CAT: variants seen among roughly 807,000 people sequenced by gnomAD.
CAT encodes the protein epididymis secretory sperm binding protein.
CAT carries 43 observed loss-of-function variants against 59.0 expected under a neutral mutation model. That is an observed-to-expected ratio of 0.73 (90% confidence interval 0.57 to 0.94). CAT has a LOEUF of 0.94. Ranked by LOEUF, CAT falls within the 40% of genes least tolerant of loss-of-function variation. CAT has a pLI of 0.00. For synonymous variants in CAT, 218 were observed against 230.9 expected, an observed-to-expected ratio of 0.94 and a Z score of 0.51; for missense variants, 664 against 682.9, an observed-to-expected ratio of 0.97 and a Z score of 0.31.
At chr11:34,468,128 A>C (rs1382560327) in intron 10 of CAT, among the ~76,000 whole-genome samples, 160 bp from the exon 11 acceptor site, 1 of 152,212 alleles carries the variant, frequency 6.6e-6, no homozygotes, top group Non-Finnish European at 1.5e-5. Context: ...ATTTTGCTTA[A>C]AACAAAAAGT....
At chr11:34,470,528 C>T (rs1281047492) in intron 11 of CAT, among the ~76,000 whole-genome samples, 6 of 152,164 alleles carry the variant, frequency 3.9e-5, no homozygotes, top group East Asian at 3.9e-4. Flanking sequence ...ACCTTCTGAT[C>T]GCGTGCTTGT....
intron 11 of CAT, among the ~76,000 whole-genome samples, chr11:34,469,957 C>T (rs1299617517): frequency 6.6e-5 from 10 of 152,160 alleles, no homozygotes; most frequent in South Asian, 4.1e-4. Flanking sequence ...TGAGCCACTG[C>T]GCCTGGCCTA....
At chr11:34,445,917 C>T (rs1053787909) in intron 1 of CAT, among the ~76,000 whole-genome samples, 3 of 152,160 alleles carry the variant, frequency 2.0e-5, no homozygotes, top group South Asian at 2.1e-4. Flanking sequence ...TTTGTAGTAT[C>T]GCCCATTAAA....
chr11:34,442,350 C>T (rs1425852815), intron 1 of CAT, among the ~76,000 whole-genome samples: 1 of 152,114 alleles, frequency 6.6e-6, no homozygotes, highest in East Asian at 1.9e-4. Context: ...CACCTATAAT[C>T]CAGCACTTTG....
intron 1 of CAT, among the ~76,000 whole-genome samples, chr11:34,447,694 C>T (rs1190454405): frequency 5.9e-5 from 9 of 152,174 alleles, no homozygotes; most frequent in Non-Finnish European, 1.2e-4. Flanking sequence ...ATGCTTTGCT[C>T]CTTCTGCTGC....
chr11:34,470,776 CAG>C, intron 11 of CAT, 180 bp from the exon 12 acceptor site: 2 of 693,898 alleles, frequency 2.9e-6, no homozygotes, highest in South Asian at 3.0e-5. Context: ...CAGTATATGT[CAG>C]AGTGTTCACT....
At position 34,449,373 on chromosome 11, in the gene CAT, G is replaced by A. The variant is rs777082279; in HGVS notation, c.238+10G>A. On this transcript the variant is annotated intron_variant, in intron 2 of 12. Coordinates refer to ENST00000241052, the MANE Select transcript of CAT (RefSeq NM_001752.4). The stretch of plus-strand genomic sequence containing the variant: ...CATGCTAAAGGAGCAGGTAAGTGCT[G>A]TGTTTATTTGCTGTAAAAAGATTGT... 8 of 1,612,412 alleles carry A rather than the reference G, an allele frequency of 5.0e-6. No individual in the cohort carries two copies. In the South Asian group the frequency reaches 7.7e-5, roughly 16 times the overall value.
At position 34,438,969 on chromosome 11, in the gene CAT, C is replaced by T. The variant is rs765549657; in HGVS notation, c.-45C>T. 8.5e-6 allele frequency: 13 copies of T among 1,528,480 alleles called. No homozygotes were observed. The highest frequency in any genetic ancestry group is 1.1e-5 in the Non-Finnish European group (12 of 1,124,854). 94.7% of individuals were successfully genotyped at this position (1,528,480 alleles called of 1,614,324 possible). A position where few individuals can be genotyped will look rare whatever the true frequency, so the allele number is the denominator to read the frequency against. On this transcript the variant is annotated 5_prime_UTR_variant, in exon 1 of 13. In the 5' UTR this introduces an upstream ATG that the reference lacks. Transcript: ENST00000241052. ...TTTGCCTGCTGAGGGTGGAGACCCA[C>T]GAGCCGAGGCCTCCTGCAGTGTTCT...
In CAT at chr11:34,468,400, G is replaced by C; in HGVS notation, c.1434+5G>C. The C allele has an allele frequency of 6.2e-7, 1 of 1,604,028 alleles. No homozygotes were observed. The highest frequency in any genetic ancestry group is 8.5e-7 in the Non-Finnish European group (1 of 1,170,822). ...ATTTTCATCCAGAAGAAAGCGGTGA[G>C]TCTTTGTAAGCTGAAGGGTGTCCTC... On this transcript the variant is annotated splice_donor_5th_base_variant and intron_variant, in intron 11 of 12. Transcript: ENST00000241052.
chr11:34,445,991 G>A (rs524167), intron 1 of CAT, among the ~76,000 whole-genome samples: 107,287 of 152,030 alleles, frequency 0.71, 39,732 homozygotes, highest in East Asian at 0.96. Context: ...TGCGTGGTCC[G>A]TTTTCTAGCC....
intron 6 of CAT, 53 bp downstream of exon 6, chr11:34,453,979 T>C (rs976550888): frequency 6.3e-7 from 1 of 1,585,712 alleles, no homozygotes; most frequent in Non-Finnish European, 8.6e-7. Flanking sequence ...CATACCTCCT[T>C]ATTTTTCCTG....
chr11:34,441,505 G>A (rs1856389393), intron 1 of CAT, among the ~76,000 whole-genome samples: 5 of 152,150 alleles, frequency 3.3e-5, no homozygotes, highest in Admixed American at 3.3e-4. Flanking sequence ...TGTAAGTAAA[G>A]CTGCTGTGGC....
chr11:34,452,515 T>A (rs189511485), intron 4 of CAT, among the ~76,000 whole-genome samples: 2 of 152,198 alleles, frequency 1.3e-5, no homozygotes, highest in Admixed American at 1.3e-4. Context: ...TGTCTCTACA[T>A]GCTCTGAGTC....
chr11:34,445,492 T>C (rs1856439651), intron 1 of CAT, among the ~76,000 whole-genome samples: 1 of 23,858 alleles, frequency 4.2e-5, no homozygotes, highest in South Asian at 1.9e-3. Flanking sequence ...CGAGACTCCA[T>C]CTCAAAAAAA....
intron 10 of CAT, 68 bp downstream of exon 10, chr11:34,464,303 C>G (rs1473491423): frequency 6.9e-7 from 1 of 1,450,928 alleles, no homozygotes; most frequent in African/African-American, 1.4e-5. Context: ...CTGCATAATC[C>G]CCCTCCCTGC....
At chr11:34,442,323 C>T (rs1856400363) in intron 1 of CAT, among the ~76,000 whole-genome samples, 1 of 152,094 alleles carries the variant, frequency 6.6e-6, no homozygotes, top group African/African-American at 2.4e-5. Flanking sequence ...AAATTTATGG[C>T]CGGGTGCAGT....
At chr11:34,464,869 CCTT>C (rs1387803295) in intron 10 of CAT, among the ~76,000 whole-genome samples, 2 of 151,632 alleles carry the variant, frequency 1.3e-5, no homozygotes, top group African/African-American at 4.8e-5. Context: ...ACCTTTTACT[CCTT>C]CTCTCAACAT....
Position 34,449,356 on chromosome 11 carries a change from A to G in CAT, c.231A>G (p.Lys77=). ...TTCCTGAGAGAGTTGTGCATGCTAAAGGAGCAGGTAAGTGCTGTGTTTATT... is the reference window on the plus strand; with the variant it reads ...TTCCTGAGAGAGTTGTGCATGCTAAGGGAGCAGGTAAGTGCTGTGTTTATT... The part of the protein sequence containing the change: ...ERIPERVVHA[K]GAGAFGYFEV... The change falls in exon 2 of 13, where the codon AAA becomes AAG. Residue 77 remains lysine, a synonymous_variant. Transcript: ENST00000241052. 1 of 1,613,926 alleles carries G rather than the reference A, an allele frequency of 6.2e-7. No homozygotes were observed. Among genetic ancestry groups the G allele is most frequent in the Non-Finnish European group, 8.5e-7 (1 of 1,179,782 alleles).
chr11:34,441,575 G>A (rs1044770989), intron 1 of CAT, among the ~76,000 whole-genome samples: 6 of 152,108 alleles, frequency 3.9e-5, no homozygotes, highest in Non-Finnish European at 2.9e-5. Context: ...TGGGAGGATA[G>A]TTTGAGCTCA....
Sources: gnomAD v4.1 joint callset for allele counts (sites outside exome capture counted in the v4.1 genomes callset) on GRCh38, gnomAD v4.1.1 for gene constraint, MANE v1.5 for transcripts, NCBI Gene and HGNC (gene_info 2026-07-23, HGNC 2026-07-21) for gene names.